OR10K1: variants seen among roughly 807,000 people sequenced by gnomAD.
OR10K1 encodes the protein olfactory receptor family 10 subfamily K member 1, also known as olfactory receptor 10K1.
For missense variants in OR10K1, 404 were observed against 373.3 expected (o/e 1.08, Z -0.68); for synonymous variants, 186 against 152.5 (o/e 1.22, Z -1.62).
intron 1 of OR10K1, among the ~76,000 whole-genome samples, chr1:158,462,558 G>A (rs1655947626): frequency 6.6e-6 from 1 of 151,910 alleles, no homozygotes; most frequent in Non-Finnish European, 1.5e-5. Flanking sequence ...ATAATTTTAG[G>A]TATAATTGAA....
chr1:158,462,848 T>G (rs1163179168), intron 1 of OR10K1, among the ~76,000 whole-genome samples: 1 of 152,210 alleles, frequency 6.6e-6, no homozygotes, highest in Non-Finnish European at 1.5e-5. Flanking sequence ...GTGGAGCATC[T>G]GAGGAATTAG....
At chr1:158,463,909 C>A (rs1491195) in intron 1 of OR10K1, among the ~76,000 whole-genome samples, 9 of 151,854 alleles carry the variant, frequency 5.9e-5, no homozygotes, top group Admixed American at 2.6e-4. Context: ...GTTATACTAA[C>A]GTTATTAAAA....
chr1:158,463,122 A>AT (rs1320579650), intron 1 of OR10K1, among the ~76,000 whole-genome samples: 1 of 128,194 alleles, frequency 7.8e-6, no homozygotes, highest in Non-Finnish European at 1.8e-5. Context: ...TATCCCTTTA[A>AT]TTAAAAAAAA....
rs1656056427 is a variant in OR10K1, at chr1:158,466,951, A to C, written c.*448A>C. 1 of 153,620 alleles carries C rather than the reference A, an allele frequency of 6.5e-6. No homozygotes were observed. The highest frequency in any genetic ancestry group is 6.5e-5 in the Admixed American group (1 of 15,496). The allele number at this position is 153,620 out of a possible 1,614,324, so 9.5% of individuals were successfully genotyped here. A position where few individuals can be genotyped will look rare whatever the true frequency, so the allele number is the denominator to read the frequency against. On this transcript the variant is annotated 3_prime_UTR_variant, in exon 2 of 2. Transcript: ENST00000641535. ...TTTCTTTTCCTAAAGACAACAGAAA[A>C]CTTTGGTCCCACACATTCTGCTACA...
intron 1 of OR10K1, among the ~76,000 whole-genome samples, chr1:158,463,574 T>C (rs1424143029): frequency 1.3e-5 from 2 of 152,158 alleles, no homozygotes; most frequent in African/African-American, 4.8e-5. Flanking sequence ...AATTCCAGCT[T>C]CCATGGTTTA....
chr1:158,464,214 T>C (rs2101665535), intron 1 of OR10K1, among the ~76,000 whole-genome samples: 1 of 152,336 alleles, frequency 6.6e-6, no homozygotes. Context: ...TGTATCCAGA[T>C]AGTGCTTTTT....
chr1:158,466,039 A>G lies in OR10K1; in HGVS notation c.478A>G (p.Thr160Ala), dbSNP rs79287493. ...TGGCTTCACTGTCTCCCTGGTCACCACCTCCCTAGTATTTCATCTGCCCTT... is the reference window on the plus strand; with the variant it reads ...TGGCTTCACTGTCTCCCTGGTCACCGCCTCCCTAGTATTTCATCTGCCCTT... Reference protein sequence around the residue: ...ACGFTVSLVTTSLVFHLPFHS... With the variant: ...ACGFTVSLVTASLVFHLPFHS... Residue 160 changes from threonine (T) to alanine (A), a missense_variant, in exon 2 of 2, where the codon ACC (threonine) becomes GCC (alanine). Physicochemically the swap from Thr to Ala is moderately conservative, Grantham distance 58. Transcript: ENST00000641535. 3.8e-5 allele frequency: 62 copies of G among 1,613,628 alleles called. 1 individual carries two copies. In the South Asian group the frequency reaches 6.6e-4, roughly 17 times the overall value.
At position 158,465,601 on chromosome 1, in the gene OR10K1, G is replaced by T. The variant is rs140101672; in HGVS notation, c.40G>T (p.Val14Phe). ...TAAGACTGTGGTGAGAGAGTTCGTC[G>T]TCCTCGGCTTCTCATCCCTGGCCAG... ...VNKTVVREFV[V>F]LGFSSLARLQ... The change falls in exon 2 of 2, where the codon GTC (valine) becomes TTC (phenylalanine). Residue 14 changes from valine (V) to phenylalanine (F), a missense_variant. By Grantham distance (50) the Val-to-Phe change is conservative (BLOSUM62 -1). Transcript: ENST00000641535. The T allele has an allele frequency of 3.1e-6, 5 of 1,613,896 alleles. No individual in the cohort carries two copies. The highest frequency in any genetic ancestry group is 4.2e-6 in the Non-Finnish European group (5 of 1,180,006).
At chr1:158,464,790 A>G (rs1199634835) in intron 1 of OR10K1, among the ~76,000 whole-genome samples, 2 of 152,144 alleles carry the variant, frequency 1.3e-5, no homozygotes, top group African/African-American at 4.8e-5. Context: ...CTGGGATTAC[A>G]GGTGTGTGCT....
In OR10K1 at chr1:158,464,236, G is replaced by T. The variant is rs568857818; in HGVS notation, c.-156-1170G>T. Among the ~76,000 whole-genome samples the T allele has an allele frequency of 5.3e-5, 8 of 152,242 alleles. No homozygotes were observed. In the East Asian group the frequency reaches 5.8e-4, roughly 11 times the overall value. ...AGATAGTGCTTTTTTTACTTATTAG[G>T]TTGGGTTATTGAAAAATGTTCCAGT... On this transcript the variant is annotated intron_variant, in intron 1 of 1. Transcript: ENST00000641535.
rs766692849 is a variant in OR10K1 at position 158,466,255 on chromosome 1, G to T, written c.694G>T (p.Val232Phe). Residue 232 changes from valine (V) to phenylalanine (F), a missense_variant, in exon 2 of 2, where the codon GTT becomes TTT. Transcript: ENST00000641535. ...ISAILKIPSS[V>F]GRYKTFSTCA... ...TGCCATTCTAAAAATCCCTTCCTCC[G>T]TTGGAAGATACAAGACCTTCTCCAC... is the stretch of plus-strand genomic sequence containing the variant. 3.7e-6 allele frequency: 6 copies of T among 1,614,010 alleles called. No individual in the cohort carries two copies. Among genetic ancestry groups the T allele is most frequent in the Non-Finnish European group, 5.1e-6 (6 of 1,179,986 alleles).
chr1:158,462,142 T>A (rs1010014346), intron 1 of OR10K1, among the ~76,000 whole-genome samples: 2 of 152,016 alleles, frequency 1.3e-5, no homozygotes, highest in African/African-American at 4.8e-5. Flanking sequence ...TAGCCAGGCA[T>A]GGTTGCGTGC....
At chr1:158,463,970 G>A (rs1655982438) in intron 1 of OR10K1, among the ~76,000 whole-genome samples, 1 of 151,392 alleles carries the variant, frequency 6.6e-6, no homozygotes, top group South Asian at 2.1e-4. Flanking sequence ...AAGTAAGAAA[G>A]AAAAAAAATC....
intron 1 of OR10K1, among the ~76,000 whole-genome samples, chr1:158,462,662 T>A (rs1213458904): frequency 6.6e-6 from 1 of 152,240 alleles, no homozygotes; most frequent in Non-Finnish European, 1.5e-5. Flanking sequence ...TCCTTTATTA[T>A]CTGAAGCTGC....
intron 1 of OR10K1, among the ~76,000 whole-genome samples, chr1:158,462,986 A>C (rs149309048): frequency 1.8e-4 from 27 of 152,304 alleles, no homozygotes; most frequent in African/African-American, 5.8e-4. Flanking sequence ...TCTGAGCAAG[A>C]AAGGCTCCTA....
At position 158,466,473 on chromosome 1, in the gene OR10K1, A is replaced by T; in HGVS notation, c.912A>T (p.Thr304=). 1 of 1,613,942 alleles carries T rather than the reference A, an allele frequency of 6.2e-7. No homozygotes were observed. Among genetic ancestry groups the T allele is most frequent in the Non-Finnish European group, 8.5e-7 (1 of 1,179,864 alleles). The change falls in exon 2 of 2, where the codon ACA becomes ACT. Residue 304 remains threonine (T), a synonymous_variant. Coordinates refer to ENST00000641535, the MANE Select transcript of OR10K1 (RefSeq NM_001004473.2). ...NKEFKSALRR[T]IGQTFYPLS is the part of the protein sequence containing the mutation. The stretch of plus-strand genomic sequence containing the variant: ...AATTCAAATCAGCCCTACGAAGAAC[A>T]ATCGGCCAAACTTTCTATCCTCTTA...
intron 1 of OR10K1, among the ~76,000 whole-genome samples, chr1:158,463,841 G>T (rs577677827): frequency 6.6e-6 from 1 of 152,152 alleles, no homozygotes; most frequent in African/African-American, 2.4e-5. Flanking sequence ...AAATATCAAT[G>T]GAGGTATACA....
intron 1 of OR10K1, 77 bp from the exon 2 acceptor site, chr1:158,465,329 T>G: frequency 1.8e-6 from 1 of 565,120 alleles, no homozygotes; most frequent in South Asian, 2.3e-5. Flanking sequence ...AGAGATAACC[T>G]GTTCTTCACA....
At position 158,465,544 on chromosome 1, in the gene OR10K1, T is replaced by G; in HGVS notation, c.-18T>G. ...TTTCTACCTCTGTCCCTGACTCTCC[T>G]TTATAGAAGTGCTCTCCATGGAGCA... is the stretch of plus-strand genomic sequence containing the variant. On this transcript the variant is annotated 5_prime_UTR_variant, in exon 2 of 2. Transcript: ENST00000641535. 1 of 1,601,276 alleles carries G rather than the reference T, an allele frequency of 6.2e-7. No homozygotes were observed. The highest frequency in any genetic ancestry group is 1.1e-5 in the South Asian group (1 of 90,304).
Sources: gnomAD v4.1 joint callset for allele counts (sites outside exome capture counted in the v4.1 genomes callset) on GRCh38, gnomAD v4.1.1 for gene constraint, MANE v1.5 for transcripts, NCBI Gene and HGNC (gene_info 2026-07-23, HGNC 2026-07-21) for gene names.